SRRM4: variants seen among roughly 807,000 people sequenced by gnomAD.
SRRM4 encodes serine/arginine repetitive matrix protein 4.
A neutral mutation model predicts 68.9 loss-of-function variants in SRRM4; 33 were observed. The observed-to-expected ratio is 0.48, with a 90% CI of 0.36 to 0.64. SRRM4 has a LOEUF of 0.64. Ranked by LOEUF, SRRM4 falls within the 30% of genes least tolerant of loss-of-function variation. The pLI is 0.00. For synonymous variants in SRRM4, 318 were observed against 318.8 expected (o/e 1.00, Z 0.03); for missense variants, 817 against 827.1 (o/e 0.99, Z 0.15).
intron 7 of SRRM4, among the ~76,000 whole-genome samples, chr12:119,127,101 C>T (rs1453762130): frequency 5.4e-5 from 8 of 148,362 alleles, no homozygotes; most frequent in African/African-American, 2.0e-4. Context: ...GGAGATATAC[C>T]TAATGCTAGA....
chr12:119,137,217 T>C (rs886909360), intron 8 of SRRM4, among the ~76,000 whole-genome samples: 5 of 152,190 alleles, frequency 3.3e-5, no homozygotes, highest in African/African-American at 9.6e-5. Flanking sequence ...AAAAAATGTA[T>C]AGCCGCCTCT....
At chr12:119,082,879 G>C (rs1339340428) in intron 1 of SRRM4, among the ~76,000 whole-genome samples, 1 of 152,334 alleles carries the variant, frequency 6.6e-6, no homozygotes, top group East Asian at 1.9e-4. Context: ...AGAAGGGTTT[G>C]GACTTGGGGA....
chr12:119,085,426 A>G (rs1400877769), intron 1 of SRRM4, among the ~76,000 whole-genome samples: 2 of 152,238 alleles, frequency 1.3e-5, no homozygotes, highest in Non-Finnish European at 2.9e-5. Flanking sequence ...GCTCCAGGCC[A>G]TGCCCTTGAG....
Position 119,032,317 on chromosome 12 carries a change from A to G in SRRM4, c.131+50304A>G, listed in dbSNP as rs933842317. Among the ~76,000 whole-genome samples, 4 of 152,220 alleles carry G rather than the reference A, an allele frequency of 2.6e-5. No individual in the cohort carries two copies. The East Asian group carries it at 7.7e-4, about 29-fold the overall frequency. On this transcript the variant is annotated intron_variant, in intron 1 of 12. Transcript: ENST00000267260. ...TTCCGAGAGAAATTGTAAGATAAAA[A>G]AGACAGTAGTGAGTGTCTTTTTCAA... is the stretch of plus-strand genomic sequence containing the variant.
chr12:119,126,012 T>A (rs946122691), intron 7 of SRRM4, among the ~76,000 whole-genome samples: 7 of 133,002 alleles, frequency 5.3e-5, no homozygotes, highest in South Asian at 2.5e-4. Context: ...CCATACTAGC[T>A]GCTTTTTTTT....
Position 119,042,984 on chromosome 12 carries a change from A to G in SRRM4, c.132-59252A>G, listed in dbSNP as rs140860477. On this transcript the variant is annotated intron_variant, in intron 1 of 12. Transcript: ENST00000267260. ...CCACCATTGTGGGAGACAGTGTGGCAATTCCTCGAAGATCTAGAGACAGAA... is the reference window on the plus strand; with the variant it reads ...CCACCATTGTGGGAGACAGTGTGGCGATTCCTCGAAGATCTAGAGACAGAA... Among the ~76,000 whole-genome samples the G allele has an allele frequency of 2.3e-3, 357 of 152,278 alleles. 2 individuals carry two copies. The highest frequency in any genetic ancestry group is 8.2e-3 in the African/African-American group (339 of 41,548).
At chr12:119,033,909 G>C (rs1013849964) in intron 1 of SRRM4, among the ~76,000 whole-genome samples, 2 of 152,154 alleles carry the variant, frequency 1.3e-5, no homozygotes, top group East Asian at 3.8e-4. Flanking sequence ...TCTTGTTCTA[G>C]TAACTATATA....
chr12:119,034,962 T>C (rs1953617395), intron 1 of SRRM4, among the ~76,000 whole-genome samples: 1 of 152,224 alleles, frequency 6.6e-6, no homozygotes, highest in Non-Finnish European at 1.5e-5. Context: ...TCATAACCAA[T>C]ATAACATCTT....
In SRRM4 at chr12:119,058,048, GA is replaced by G. The variant is rs1162145330; in HGVS notation, c.132-44186del. 7.2e-5 allele frequency among the ~76,000 whole-genome samples: 11 copies of G among 152,304 alleles called. No individual in the cohort carries two copies. In the South Asian group the frequency reaches 2.1e-3, roughly 29 times the overall value. ...AAAAATCACTGGGAAAGAAGATGGG[GA>G]AGGGAGTTCCTGGAAGAGGGAACAG... On this transcript the variant is annotated intron_variant, in intron 1 of 12. Transcript: ENST00000267260.
intron 11 of SRRM4, among the ~76,000 whole-genome samples, chr12:119,153,925 C>A (rs1031043957): frequency 2.6e-5 from 4 of 152,060 alleles, no homozygotes; most frequent in African/African-American, 9.7e-5. Context: ...ATATTCAGAG[C>A]CCCCAGTTCT....
intron 5 of SRRM4, among the ~76,000 whole-genome samples, chr12:119,120,597 C>T (rs1402873555): frequency 6.6e-6 from 1 of 152,158 alleles, no homozygotes; most frequent in African/African-American, 2.4e-5. Flanking sequence ...TGTCACACCA[C>T]CAAAACCTTC....
intron 2 of SRRM4, chr12:119,113,970 T>TA (rs1179918416): frequency 5.0e-6 from 1 of 198,332 alleles, no homozygotes; most frequent in Admixed American, 5.5e-5. Flanking sequence ...GTGATTTATT[T>TA]ACCAAGGCAA....
At chr12:119,066,148 C>T (rs2136023959) in intron 1 of SRRM4, among the ~76,000 whole-genome samples, 1 of 152,228 alleles carries the variant, frequency 6.6e-6, no homozygotes, top group South Asian at 2.1e-4. Flanking sequence ...AGTCTCAGTC[C>T]TAATGTGTCA....
intron 1 of SRRM4, among the ~76,000 whole-genome samples, chr12:119,026,608 G>A (rs751271321): frequency 9.9e-5 from 15 of 151,722 alleles, no homozygotes; most frequent in Non-Finnish European, 1.9e-4. Flanking sequence ...GAGTGCAATG[G>A]CGCGACGTTG....
At chr12:119,069,396 T>C (rs1433903720) in intron 1 of SRRM4, among the ~76,000 whole-genome samples, 3 of 152,192 alleles carry the variant, frequency 2.0e-5, no homozygotes, top group African/African-American at 7.2e-5. Flanking sequence ...TCGACCAGCA[T>C]GGGGTGTGGA....
At chr12:119,009,700 T>C (rs1262813223) in intron 1 of SRRM4, among the ~76,000 whole-genome samples, 2 of 152,136 alleles carry the variant, frequency 1.3e-5, no homozygotes, top group African/African-American at 2.4e-5. Flanking sequence ...ATATCATTCA[T>C]TCAAACAGCA....
At chr12:119,038,141 AAC>A (rs1426300882) in intron 1 of SRRM4, among the ~76,000 whole-genome samples, 1 of 152,206 alleles carries the variant, frequency 6.6e-6, no homozygotes, top group African/African-American at 2.4e-5. Flanking sequence ...GTCCAGTAGC[AAC>A]ACAGATAAGT....
intron 1 of SRRM4, among the ~76,000 whole-genome samples, chr12:119,088,943 G>A (rs61938012): frequency 0.29 from 43,670 of 152,134 alleles, 6,464 homozygotes; most frequent in East Asian, 0.39. Context: ...ATCATCTCCA[G>A]GAGCTGGACA....
chr12:119,126,777 T>C (rs893466910), intron 7 of SRRM4, among the ~76,000 whole-genome samples: 4 of 151,506 alleles, frequency 2.6e-5, no homozygotes, highest in Admixed American at 2.0e-4. Flanking sequence ...TATTGCGGCA[T>C]TATTCACAAT....
Sources: allele counts gnomAD v4.1 joint callset (sites outside exome capture counted in the v4.1 genomes callset), GRCh38; gene constraint gnomAD v4.1.1; transcripts MANE v1.5; gene names NCBI Gene and HGNC (gene_info 2026-07-23, HGNC 2026-07-21).